Variants in NOL11 observed in about 807,000 individuals in gnomAD.
NOL11 encodes the protein nucleolar protein 11.
In NOL11, 42 loss-of-function variants were observed where a neutral mutation model predicts 93.0. The observed-to-expected ratio is 0.45, with a 90% CI of 0.35 to 0.58. The LOEUF (loss-of-function observed/expected upper bound fraction) is 0.58. Among genes scored for constraint, NOL11 ranks in the 20% least tolerant of loss-of-function variants. NOL11 has a pLI of 0.00. For synonymous variants in NOL11, 296 were observed against 293.7 expected (o/e 1.01, Z -0.08); for missense variants, 775 against 841.8 (o/e 0.92, Z 0.98).
intron 3 of NOL11, 56 bp from the exon 4 acceptor site, chr17:67,721,322 T>C: frequency 9.2e-7 from 1 of 1,085,810 alleles, no homozygotes; most frequent in South Asian, 1.9e-5. Context: ...TAAATATCCT[T>C]ATATTAGGTA....
chr17:67,723,371 T>A (rs191128), intron 5 of NOL11, among the ~76,000 whole-genome samples: 1 of 2,252 alleles, frequency 4.4e-4, no homozygotes, highest in Non-Finnish European at 1.0e-3. Flanking sequence ...AGATCTCTAA[T>A]TTTTTTTTTT....
chr17:67,734,410 A>G lies in NOL11; in HGVS notation c.901A>G (p.Lys301Glu). 1 of 1,607,952 alleles carries G rather than the reference A, an allele frequency of 6.2e-7. No individual in the cohort carries two copies. Among genetic ancestry groups the G allele is most frequent in the Non-Finnish European group, 8.5e-7 (1 of 1,174,750 alleles). Residue 301 changes from lysine to glutamate, a missense_variant, in exon 8 of 18, where the codon AAA becomes GAA. By Grantham distance (56) the Lys-to-Glu change is moderately conservative (BLOSUM62 1). Coordinates refer to ENST00000253247, the MANE Select transcript of NOL11 (RefSeq NM_015462.5). ...NIKFQTLQTS[K>E]ELPQGTSGQL... ...AAAATTTCAAACACTACAGACTTCA[A>G]AAGAGTTACCACAAGGGACCAGTGG...
intron 8 of NOL11, among the ~76,000 whole-genome samples, chr17:67,734,713 G>A (rs1435409664): frequency 6.6e-6 from 1 of 152,182 alleles, no homozygotes; most frequent in Non-Finnish European, 1.5e-5. Flanking sequence ...GGTTGAGGCA[G>A]GAATATCTTT....
Position 67,721,466 on chromosome 17 carries a change from C to T in NOL11, c.401C>T (p.Ala134Val), listed in dbSNP as rs773020702. 1.8e-5 allele frequency: 29 copies of T among 1,613,770 alleles called. No homozygotes were observed. In the Admixed American group the frequency reaches 4.8e-4, roughly 27 times the overall value. Reference protein sequence around the residue: ...FKEGAVRGLEALLADPQQKIE... With the variant: ...FKEGAVRGLEVLLADPQQKIE... ...GAAGGTGCTGTTCGTGGTTTAGAGGCCTTGCTTGCAGACCCCCAGCAGAAA... is the reference window on the plus strand; with the variant it reads ...GAAGGTGCTGTTCGTGGTTTAGAGGTCTTGCTTGCAGACCCCCAGCAGAAA... Residue 134 changes from alanine to valine, a missense_variant, in exon 4 of 18, where the codon GCC (alanine) becomes GTC (valine). By Grantham distance (64) the Ala-to-Val change is moderately conservative. This residue lies in a region of NOL11 where 359 missense variants were observed against 316.5 expected (regional missense o/e 1.13). Transcript: ENST00000253247.
chr17:67,743,701 T>C (rs1382711697), intron 17 of NOL11, 42 bp from the exon 18 acceptor site: 1 of 1,255,400 alleles, frequency 8.0e-7, no homozygotes. Flanking sequence ...TGTTTCTATG[T>C]AGACATTATG....
At chr17:67,725,712 C>T (rs1463112868) in intron 6 of NOL11, among the ~76,000 whole-genome samples, 1 of 152,150 alleles carries the variant, frequency 6.6e-6, no homozygotes, top group South Asian at 2.1e-4. Context: ...GCTAGAACCA[C>T]ATGAAACTGC....
At chr17:67,719,256 G>C (rs1052908537) in intron 1 of NOL11, 2 of 151,810 alleles carry the variant, frequency 1.3e-5, no homozygotes, top group African/African-American at 4.8e-5. Context: ...AAAATTAGCC[G>C]AACGTGGTGA....
intron 7 of NOL11, among the ~76,000 whole-genome samples, chr17:67,732,179 C>T (rs2055159718): frequency 6.6e-6 from 1 of 152,074 alleles, no homozygotes; most frequent in Non-Finnish European, 1.5e-5. Context: ...AATGCTTTCA[C>T]TTGGTTAAAT....
At chr17:67,726,413 A>G (rs766840177) in intron 6 of NOL11, 47 bp from the exon 7 acceptor site, 11 of 1,505,204 alleles carry the variant, frequency 7.3e-6, no homozygotes, top group South Asian at 1.3e-5. Context: ...TGTAATAGAT[A>G]TAGAAGTATC....
intron 3 of NOL11, among the ~76,000 whole-genome samples, chr17:67,721,055 C>T (rs2043214368): frequency 1.3e-5 from 2 of 152,158 alleles, no homozygotes; most frequent in Admixed American, 6.6e-5. Flanking sequence ...TTGCATGTAC[C>T]TCTGCATGAA....
intron 7 of NOL11, among the ~76,000 whole-genome samples, chr17:67,730,902 C>T (rs1243041909): frequency 6.6e-6 from 1 of 152,182 alleles, no homozygotes; most frequent in African/African-American, 2.4e-5. Flanking sequence ...TACAGTGGTT[C>T]CAGTTTCCCT....
At chr17:67,741,360 G>A (rs561629196) in intron 16 of NOL11, among the ~76,000 whole-genome samples, 2 of 152,004 alleles carry the variant, frequency 1.3e-5, no homozygotes, top group East Asian at 3.9e-4. Context: ...GTAAGCTACC[G>A]TGCCCGGGCA....
Position 67,737,909 on chromosome 17 carries a change from G to T in NOL11, c.1466G>T (p.Cys489Phe). The T allele has an allele frequency of 6.2e-7, 1 of 1,613,574 alleles. No individual in the cohort carries two copies. The highest frequency in any genetic ancestry group is 8.5e-7 in the Non-Finnish European group (1 of 1,179,826). ...KKKDVQLLQL[C>F]LQQFPDIPES... Reference sequence around the variant, plus strand: ...AAAGATGTACAGTTGTTACAACTCTGTCTACAGCAGTTCCCTGACATTCCT... The same window carrying T: ...AAAGATGTACAGTTGTTACAACTCTTTCTACAGCAGTTCCCTGACATTCCT... The change falls in exon 13 of 18, where the codon TGT (cysteine) becomes TTT (phenylalanine). Residue 489 changes from cysteine (C) to phenylalanine (F), a missense_variant. Cys to Phe is a radical substitution (Grantham distance 205, BLOSUM62 -2). Around this residue, in one of 2 missense-constraint regions of NOL11, gnomAD observed 416 missense variants for 525.2 expected, o/e 0.79. Coordinates refer to ENST00000253247, the MANE Select transcript of NOL11 (RefSeq NM_015462.5).
In NOL11 at chr17:67,718,002, C is replaced by A. The variant is rs1364926442; in HGVS notation, c.55C>A (p.Pro19Thr). The A allele has an allele frequency of 6.2e-7, 1 of 1,614,242 alleles. No individual in the cohort carries two copies. Among genetic ancestry groups the A allele is most frequent in the East Asian group, 2.2e-5 (1 of 44,888 alleles). ...GTCTTCGGTAGTCCTGAGCGCCGGG[C>A]CTGAAGGACTCCTAGGCGTGGAGCA... ...TLSSVVLSAG[P>T]EGLLGVEQSD... The change falls in exon 1 of 18, where the codon CCT (proline) becomes ACT (threonine). Residue 19 changes from proline to threonine, a missense_variant. Physicochemically the swap from Pro to Thr is conservative, Grantham distance 38. Around this residue, in one of 2 missense-constraint regions of NOL11, gnomAD observed 359 missense variants for 316.5 expected, o/e 1.13. Coordinates refer to ENST00000253247, the MANE Select transcript of NOL11 (RefSeq NM_015462.5).
intron 3 of NOL11, among the ~76,000 whole-genome samples, chr17:67,720,989 C>A (rs1323643968): frequency 2.0e-5 from 3 of 152,248 alleles, no homozygotes. Context: ...ACTTCTTTTT[C>A]TGGAATTGCA....
intron 8 of NOL11, among the ~76,000 whole-genome samples, chr17:67,734,891 T>G (rs968599920): frequency 3.9e-5 from 6 of 152,234 alleles, no homozygotes; most frequent in African/African-American, 1.2e-4. Flanking sequence ...GGGATTATGT[T>G]TAGTTCAGTT....
chr17:67,728,182 C>T (rs2055117192), intron 7 of NOL11, among the ~76,000 whole-genome samples: 1 of 152,144 alleles, frequency 6.6e-6, no homozygotes, highest in Admixed American at 6.5e-5. Flanking sequence ...ATGGCGTGAG[C>T]CTGGGAGGCA....
At chr17:67,727,922 A>C (rs1266859283) in intron 7 of NOL11, among the ~76,000 whole-genome samples, 4 of 8,974 alleles carry the variant, frequency 4.5e-4, no homozygotes, top group African/African-American at 2.0e-3. Context: ...TTGTCTCAAA[A>C]AAAAAAAAAA....
At chr17:67,735,746 T>TTAA (rs1281066433) in intron 8 of NOL11, among the ~76,000 whole-genome samples, 154 bp from the exon 9 acceptor site, 3 of 152,346 alleles carry the variant, frequency 2.0e-5, no homozygotes, top group African/African-American at 7.2e-5. Context: ...AAGAGCCTAT[T>TTAA]TAATAAGCTC....
Sources: allele counts gnomAD v4.1 joint callset (sites outside exome capture counted in the v4.1 genomes callset), GRCh38; gene constraint gnomAD v4.1.1; regional missense constraint gnomAD v4.1.1; transcripts MANE v1.5; gene names NCBI Gene and HGNC (gene_info 2026-07-23, HGNC 2026-07-21).